CSMD1: variants seen among roughly 807,000 people sequenced by gnomAD.
The protein encoded by CSMD1 is CUB and Sushi multiple domains 1, also known as CUB and sushi domain-containing protein 1.
A neutral mutation model predicts 417.5 loss-of-function variants in CSMD1; 213 were observed. The ratio of observed to expected loss-of-function variants is 0.51; its 90% CI spans 0.46 to 0.57. The LOEUF (loss-of-function observed/expected upper bound fraction) is 0.57. CSMD1 is among the 20% of genes least tolerant of loss of function. The pLI, the probability that CSMD1 is intolerant of heterozygous loss-of-function variation, is 0.00. For missense variants in CSMD1, 6,923 were observed against 4,529.7 expected (o/e 1.53, Z -15.17); for synonymous variants, 2,862 against 1,736.8 (o/e 1.65, Z -16.11).
intron 1 of CSMD1, among the ~76,000 whole-genome samples, chr8:4,738,485 A>T (rs1291521622): frequency 6.6e-6 from 1 of 152,164 alleles, no homozygotes; most frequent in African/African-American, 2.4e-5. Context: ...TATCAGGAGA[A>T]CAGGATGGGG....
Position 4,141,236 on chromosome 8 carries a change from T to C in CSMD1, c.416-109137A>G, listed in dbSNP as rs368373189. On this transcript the variant is annotated intron_variant, in intron 3 of 69. Transcript: ENST00000635120. ...ACTGGAAACCTTCACATTTACAAGA[T>C]ACTGAAGAATAAGCTTGATGCTGAA... 1.6e-3 allele frequency among the ~76,000 whole-genome samples: 242 copies of C among 151,164 alleles called. 9 individuals are homozygous for C. The South Asian group carries it at 0.049, about 30-fold the overall frequency.
rs1300743200 is a variant in CSMD1 at position 4,784,454 on chromosome 8, A to G, written c.86-146896T>C. Among the ~76,000 whole-genome samples the G allele has an allele frequency of 3.9e-5, 6 of 152,234 alleles. No homozygotes were observed. In the South Asian group the frequency reaches 1.0e-3, roughly 26 times the overall value. ...TTAAAATTTTGAACCCGTGATTAAAATAACACTTGCATTGAAATTTTAACT... is the reference window on the plus strand; with the variant it reads ...TTAAAATTTTGAACCCGTGATTAAAGTAACACTTGCATTGAAATTTTAACT... On this transcript the variant is annotated intron_variant, in intron 1 of 69. Coordinates refer to ENST00000635120, the MANE Select transcript of CSMD1 (RefSeq NM_033225.6).
intron 1 of CSMD1, among the ~76,000 whole-genome samples, chr8:4,765,251 T>G (rs1430060837): frequency 6.6e-6 from 1 of 152,180 alleles, no homozygotes; most frequent in Non-Finnish European, 1.5e-5. Context: ...CAATAATGAC[T>G]TTCCATATGT....
At chr8:4,912,507 T>A (rs1156795610) in intron 1 of CSMD1, among the ~76,000 whole-genome samples, 1 of 152,164 alleles carries the variant, frequency 6.6e-6, no homozygotes, top group African/African-American at 2.4e-5. Flanking sequence ...GCCAGAGGCT[T>A]CATGCCAGAT....
intron 3 of CSMD1, among the ~76,000 whole-genome samples, chr8:4,408,125 T>G (rs779493737): frequency 6.6e-6 from 1 of 152,156 alleles, no homozygotes; most frequent in Non-Finnish European, 1.5e-5. Flanking sequence ...AAAAACAAAA[T>G]GGAAACTTCG....
chr8:4,326,005 G>T (rs1191278043), intron 3 of CSMD1, among the ~76,000 whole-genome samples: 1 of 152,110 alleles, frequency 6.6e-6, no homozygotes, highest in Non-Finnish European at 1.5e-5. Context: ...ACTCAGTAAA[G>T]ACGTTGGCTC....
intron 2 of CSMD1, among the ~76,000 whole-genome samples, chr8:4,618,186 T>C (rs749707764): frequency 6.6e-6 from 1 of 152,094 alleles, no homozygotes; most frequent in African/African-American, 2.4e-5. Flanking sequence ...AAGATGTGCA[T>C]GTGACCAACA....
At chr8:4,838,258 A>G (rs1298851032) in intron 1 of CSMD1, among the ~76,000 whole-genome samples, 1 of 152,200 alleles carries the variant, frequency 6.6e-6, no homozygotes, top group African/African-American at 2.4e-5. Context: ...TTATTGACTG[A>G]GCAAGTAGTG....
At chr8:4,311,722 C>CA (rs35480252) in intron 3 of CSMD1, among the ~76,000 whole-genome samples, 1,782 of 110,228 alleles carry the variant, frequency 0.016, 41 homozygotes, top group African/African-American at 0.046. Context: ...GACTCAGTCT[C>CA]AAAAAAAAAA....
intron 5 of CSMD1, among the ~76,000 whole-genome samples, chr8:3,895,342 C>T (rs1452063822): frequency 2.6e-5 from 4 of 152,088 alleles, no homozygotes; most frequent in African/African-American, 9.7e-5. Context: ...GGAGTTACAA[C>T]TGAGACAATT....
rs190641870 is a variant in CSMD1 at position 4,423,535 on chromosome 8, G to T, written c.303-3470C>A. Among the ~76,000 whole-genome samples, 11 of 152,078 alleles carry T rather than the reference G, an allele frequency of 7.2e-5. No homozygotes were observed. In the East Asian group the frequency reaches 7.7e-4, roughly 11 times the overall value. ...ATACAGAAAAGTACACAACACTGAAGAAAAAGTTCAAAGAAATGCTAAATA... is the reference window on the plus strand; with the variant it reads ...ATACAGAAAAGTACACAACACTGAATAAAAAGTTCAAAGAAATGCTAAATA... On this transcript the variant is annotated intron_variant, in intron 2 of 69. Transcript: ENST00000635120.
intron 10 of CSMD1, among the ~76,000 whole-genome samples, chr8:3,573,163 G>A (rs978991366): frequency 2.0e-5 from 3 of 152,038 alleles, no homozygotes; most frequent in African/African-American, 4.8e-5. Context: ...AATAGATAAT[G>A]ATATTACATT....
chr8:3,089,990 C>T (rs1191366336), intron 48 of CSMD1, among the ~76,000 whole-genome samples: 2 of 152,144 alleles, frequency 1.3e-5, no homozygotes, highest in Non-Finnish European at 2.9e-5. Flanking sequence ...GACCATGTTT[C>T]CACATTGGAA....
chr8:3,686,359 T>C (rs1799943233), intron 7 of CSMD1, among the ~76,000 whole-genome samples: 1 of 152,160 alleles, frequency 6.6e-6, no homozygotes, highest in South Asian at 2.1e-4. Context: ...TCTTCACTTT[T>C]CTAGGATAGG....
At chr8:4,183,068 G>T (rs908373348) in intron 3 of CSMD1, among the ~76,000 whole-genome samples, 2 of 152,126 alleles carry the variant, frequency 1.3e-5, no homozygotes, top group African/African-American at 4.8e-5. Context: ...ACCACTGCTA[G>T]ATGTCACACT....
chr8:3,296,470 T>C (rs1345142569), intron 25 of CSMD1, among the ~76,000 whole-genome samples: 1 of 152,026 alleles, frequency 6.6e-6, no homozygotes, highest in Admixed American at 6.6e-5. Flanking sequence ...TTAAGGATGA[T>C]ACACCGATGC....
chr8:3,402,631 T>G (rs989380073), intron 15 of CSMD1, among the ~76,000 whole-genome samples: 2 of 152,240 alleles, frequency 1.3e-5, no homozygotes, highest in African/African-American at 4.8e-5. Context: ...AGCTTTTCAC[T>G]GTTTACGTAA....
intron 2 of CSMD1, among the ~76,000 whole-genome samples, chr8:4,530,374 C>G (rs921093206): frequency 3.4e-5 from 4 of 117,586 alleles, no homozygotes; most frequent in African/African-American, 1.3e-4. Flanking sequence ...ACTTGCTGAA[C>G]GTGCAGGTTT....
intron 1 of CSMD1, among the ~76,000 whole-genome samples, chr8:4,831,174 A>C (rs1800129164): frequency 6.6e-6 from 1 of 152,210 alleles, no homozygotes; most frequent in African/African-American, 2.4e-5. Flanking sequence ...AAGAATCTAG[A>C]ATCTGAAAAA....
Sources: gnomAD v4.1 joint callset for allele counts (sites outside exome capture counted in the v4.1 genomes callset) on GRCh38, gnomAD v4.1.1 for gene constraint, MANE v1.5 for transcripts, NCBI Gene and HGNC (gene_info 2026-07-23, HGNC 2026-07-21) for gene names.